ITPR1: variants seen among roughly 807,000 people sequenced by gnomAD.
ITPR1 encodes the protein inositol 1,4,5-trisphosphate-gated calcium channel ITPR1.
A neutral mutation model predicts 318.4 loss-of-function variants in ITPR1; 96 were observed. That is an observed-to-expected ratio of 0.30 (90% CI 0.26 to 0.36). ITPR1 has a LOEUF of 0.36. Ranked by LOEUF, ITPR1 falls within the 10% of genes least tolerant of loss-of-function variation. The pLI is 1.00. For missense variants in ITPR1, 2,440 were observed against 3,460.2 expected (o/e 0.71, Z 7.40); for synonymous variants, 1,312 against 1,289.9 (o/e 1.02, Z -0.37).
chr3:4,814,396 C>T (rs906706759), intron 57 of ITPR1, 27 bp from the exon 58 acceptor site: 1 of 1,613,380 alleles, frequency 6.2e-7, no homozygotes, highest in African/African-American at 1.3e-5. Flanking sequence ...CACGTTTTCT[C>T]TCTGTTGTTA....
intron 37 of ITPR1, among the ~76,000 whole-genome samples, chr3:4,708,790 A>G (rs933243285): frequency 6.6e-6 from 1 of 152,196 alleles, no homozygotes; most frequent in African/African-American, 2.4e-5. Flanking sequence ...GGTTGATGAG[A>G]TTGCCTAGTG....
chr3:4,528,365 C>A (rs1022733652), intron 4 of ITPR1, among the ~76,000 whole-genome samples: 9 of 152,166 alleles, frequency 5.9e-5, no homozygotes, highest in Admixed American at 2.6e-4. Context: ...CAGGCCTTAA[C>A]CTTACCCTTA....
chr3:4,761,570 G>C (rs2045452836), intron 44 of ITPR1, among the ~76,000 whole-genome samples: 2 of 152,190 alleles, frequency 1.3e-5, no homozygotes, highest in South Asian at 4.1e-4. Flanking sequence ...ATGTTTCCCA[G>C]TCTGGGCCAG....
chr3:4,743,492 A>G (rs1008626590), intron 44 of ITPR1, among the ~76,000 whole-genome samples: 6 of 152,226 alleles, frequency 3.9e-5, no homozygotes, highest in African/African-American at 1.4e-4. Flanking sequence ...AGTTCGGGGC[A>G]AGAAATTACT....
intron 44 of ITPR1, among the ~76,000 whole-genome samples, chr3:4,756,136 C>A (rs1056591653): frequency 6.6e-6 from 1 of 152,062 alleles, no homozygotes; most frequent in Non-Finnish European, 1.5e-5. Flanking sequence ...TTGCTGAAGT[C>A]GAGACTGGTT....
At chr3:4,758,255 A>G (rs1232812485) in intron 44 of ITPR1, among the ~76,000 whole-genome samples, 1 of 152,152 alleles carries the variant, frequency 6.6e-6, no homozygotes, top group Admixed American at 6.5e-5. Flanking sequence ...TGAAAGGTGG[A>G]CCAACTTTTA....
intron 4 of ITPR1, among the ~76,000 whole-genome samples, chr3:4,542,687 G>GT: frequency 6.6e-6 from 1 of 151,936 alleles, no homozygotes; most frequent in Non-Finnish European, 1.5e-5. Flanking sequence ...GTGTGGCGGG[G>GT]GGGTGGGTCT....
chr3:4,746,741 T>C (rs891260418), intron 44 of ITPR1, among the ~76,000 whole-genome samples: 1 of 152,210 alleles, frequency 6.6e-6, no homozygotes, highest in Non-Finnish European at 1.5e-5. Flanking sequence ...TATAAACTAT[T>C]CTGGGAATTC....
At chr3:4,524,310 T>TTTG (rs1380262012) in intron 4 of ITPR1, among the ~76,000 whole-genome samples, 3 of 150,180 alleles carry the variant, frequency 2.0e-5, no homozygotes, top group East Asian at 3.9e-4. Context: ...CGTTTTTTTT[T>TTTG]TTTTTTTTTT....
intron 42 of ITPR1, among the ~76,000 whole-genome samples, chr3:4,729,200 CT>C (rs937997927): frequency 2.1e-4 from 32 of 152,136 alleles, no homozygotes; most frequent in African/African-American, 7.5e-4. Context: ...CAGATACTAG[CT>C]GTGTGATTTT....
chr3:4,636,343 C>A (rs568422849), intron 5 of ITPR1, among the ~76,000 whole-genome samples: 1 of 152,320 alleles, frequency 6.6e-6, no homozygotes, highest in East Asian at 1.9e-4. Flanking sequence ...AAGGCTCAGG[C>A]ATCATTAAAC....
In ITPR1 at chr3:4,813,225, C is replaced by G; in HGVS notation, c.7552C>G (p.Pro2518Ala). The change falls in exon 57 of 62, where the codon CCC (proline) becomes GCC (alanine). Residue 2518 changes from proline (P) to alanine (A), a missense_variant. Physicochemically the swap from Pro to Ala is conservative, Grantham distance 27 (BLOSUM62 -1). Transcript: ENST00000649015. Reference sequence around the variant, plus strand: ...TGGGGAGAACTGCTCCTCTCCTGCACCCAGAGAAGGTAGGACCTCCTAACT... The same window carrying G: ...TGGGGAGAACTGCTCCTCTCCTGCAGCCAGAGAAGGTAGGACCTCCTAACT... Reference protein sequence around the residue: ...ESGENCSSPAPREELVPAEET... With the variant: ...ESGENCSSPAAREELVPAEET... The G allele has an allele frequency of 6.2e-7, 1 of 1,609,282 alleles. No homozygotes were observed. The highest frequency in any genetic ancestry group is 8.5e-7 in the Non-Finnish European group (1 of 1,176,430).
intron 4 of ITPR1, among the ~76,000 whole-genome samples, chr3:4,609,081 T>TAC (rs2091918584): frequency 1.1e-5 from 1 of 92,014 alleles, no homozygotes; most frequent in African/African-American, 4.8e-5. Context: ...TATATATATA[T>TAC]ATATATATAC....
At chr3:4,610,074 C>T (rs1461322833) in intron 4 of ITPR1, among the ~76,000 whole-genome samples, 1 of 152,122 alleles carries the variant, frequency 6.6e-6, no homozygotes, top group Non-Finnish European at 1.5e-5. Context: ...CATTCTAGGG[C>T]CACTGTGCTG....
intron 4 of ITPR1, among the ~76,000 whole-genome samples, chr3:4,593,639 A>T (rs1382657966): frequency 1.3e-5 from 2 of 152,226 alleles, no homozygotes; most frequent in African/African-American, 4.8e-5. Context: ...AAGAGGGGCC[A>T]TGCTGTTCTT....
intron 4 of ITPR1, among the ~76,000 whole-genome samples, chr3:4,596,677 C>T (rs1441317142): frequency 6.6e-6 from 1 of 152,144 alleles, no homozygotes; most frequent in African/African-American, 2.4e-5. Flanking sequence ...AACTGTCTTT[C>T]CTCCCTGAAA....
chr3:4,647,222 A>T (rs1334451208), intron 10 of ITPR1, among the ~76,000 whole-genome samples: 2 of 152,004 alleles, frequency 1.3e-5, no homozygotes, highest in East Asian at 3.9e-4. Context: ...TGCATGTATC[A>T]GATTAATTTG....
intron 5 of ITPR1, among the ~76,000 whole-genome samples, chr3:4,635,638 C>T (rs2125142234): frequency 6.6e-6 from 1 of 152,152 alleles, no homozygotes; most frequent in South Asian, 2.1e-4. Context: ...AGCCACTGCG[C>T]CCAGCCAAAA....
chr3:4,711,963 T>C, intron 39 of ITPR1, 95 bp downstream of exon 39: 1 of 547,222 alleles, frequency 1.8e-6, no homozygotes, highest in Non-Finnish European at 3.2e-6. Context: ...CATTACTGAC[T>C]GAGGGGCTAG....
Sources: gnomAD v4.1 joint callset for allele counts (sites outside exome capture counted in the v4.1 genomes callset) on GRCh38, gnomAD v4.1.1 for gene constraint, MANE v1.5 for transcripts, NCBI Gene and HGNC (gene_info 2026-07-23, HGNC 2026-07-21) for gene names.